MCTP1: variants seen among roughly 807,000 people sequenced by gnomAD.
The protein encoded by MCTP1 is multiple C2 and transmembrane domain-containing protein 1.
In MCTP1, 69 loss-of-function variants were observed where a neutral mutation model predicts 120.6. That is an observed-to-expected ratio of 0.57 (90% CI 0.47 to 0.70). The LOEUF is 0.70. Among genes scored for constraint, MCTP1 ranks in the 30% least tolerant of loss-of-function variants. The pLI, the probability that MCTP1 is intolerant of heterozygous loss-of-function variation, is 0.00. For missense variants in MCTP1, 1,203 were observed against 1,248.8 expected (o/e 0.96, Z 0.55); for synonymous variants, 529 against 493.1 (o/e 1.07, Z -0.96).
At chr5:94,788,616 T>C (rs373437243) in intron 18 of MCTP1, among the ~76,000 whole-genome samples, 158 of 152,240 alleles carry the variant, frequency 1.0e-3, no homozygotes, top group African/African-American at 3.6e-3. Flanking sequence ...AGACTAGAAA[T>C]GCAAACTAGT....
intron 12 of MCTP1, among the ~76,000 whole-genome samples, chr5:94,876,418 C>G (rs1171294420): frequency 1.3e-5 from 2 of 152,028 alleles, no homozygotes; most frequent in African/African-American, 2.4e-5. Flanking sequence ...AAGTTCCAGA[C>G]AGTGGTATAA....
chr5:95,145,692 T>C (rs746296862), intron 1 of MCTP1, among the ~76,000 whole-genome samples: 2 of 152,192 alleles, frequency 1.3e-5, no homozygotes, highest in Non-Finnish European at 2.9e-5. Flanking sequence ...TGAATCACAT[T>C]TATTGGTTTG....
rs34628738 is a variant in MCTP1, at chr5:94,894,867, C to CTTTT, written c.1653-36_1653-33dup. ...ACAAATGTTTTGAATCAGCAAGTGG[C>CTTTT]TTTTTTTTTTTTTTTGCCATATCAA... On this transcript the variant is annotated intron_variant, in intron 10 of 22. Coordinates refer to ENST00000515393, the MANE Select transcript of MCTP1 (RefSeq NM_024717.7). 2,433 of 989,032 alleles carry CTTTT rather than the reference C, an allele frequency of 2.5e-3. 4 individuals are homozygous for CTTTT. Among genetic ancestry groups the CTTTT allele is most frequent in the Non-Finnish European group, 2.6e-3 (1,873 of 722,030 alleles). 61.3% of individuals were successfully genotyped at this position (989,032 alleles called of 1,614,324 possible).
chr5:95,166,846 C>G (rs553352683), intron 1 of MCTP1, among the ~76,000 whole-genome samples: 6 of 151,954 alleles, frequency 3.9e-5, no homozygotes, highest in East Asian at 1.9e-4. Flanking sequence ...GGATTACAGG[C>G]GTGAGCCACT....
chr5:94,799,158 G>T, intron 17 of MCTP1, 26 bp from the exon 18 acceptor site: 1 of 1,598,594 alleles, frequency 6.3e-7, no homozygotes, highest in South Asian at 1.1e-5. Flanking sequence ...GAGAGAAGAA[G>T]GGATGAGTCA....
At chr5:95,273,378 A>G (rs1759561957) in intron 1 of MCTP1, among the ~76,000 whole-genome samples, 1 of 152,226 alleles carries the variant, frequency 6.6e-6, no homozygotes, top group Admixed American at 6.5e-5. Flanking sequence ...GAGAGGATGC[A>G]TATTTTAACA....
rs2152665616 is a variant in MCTP1, at chr5:95,235,994, T to G, written c.720+47862A>C. On this transcript the variant is annotated intron_variant, in intron 1 of 22. Transcript: ENST00000515393. Reference sequence around the variant, plus strand: ...AATAAACCTACTGAAGCAACATTTATGGAAAGTGGTGCCCAAGGATCTGTA... The same window carrying G: ...AATAAACCTACTGAAGCAACATTTAGGGAAAGTGGTGCCCAAGGATCTGTA... Among the ~76,000 whole-genome samples the G allele has an allele frequency of 2.0e-5, 3 of 152,320 alleles. No individual in the cohort carries two copies. In the East Asian group the frequency reaches 5.8e-4, roughly 29 times the overall value.
chr5:94,736,035 A>G (rs535507820), intron 19 of MCTP1, among the ~76,000 whole-genome samples: 39 of 152,338 alleles, frequency 2.6e-4, no homozygotes, highest in African/African-American at 8.9e-4. Flanking sequence ...ATGTATGTCC[A>G]TGTGTACCTT....
chr5:94,859,396 G>A (rs1307583127), intron 17 of MCTP1, among the ~76,000 whole-genome samples: 1 of 151,638 alleles, frequency 6.6e-6, no homozygotes, highest in Non-Finnish European at 1.5e-5. Context: ...CGCATATGGT[G>A]ACTATAATTA....
intron 1 of MCTP1, among the ~76,000 whole-genome samples, chr5:95,255,534 C>T (rs1057017196): frequency 4.6e-5 from 7 of 151,920 alleles, no homozygotes; most frequent in African/African-American, 7.3e-5. Context: ...AGGATGGTAC[C>T]CCTGGTGCAC....
chr5:95,226,063 C>T (rs1039272660), intron 1 of MCTP1, among the ~76,000 whole-genome samples: 4 of 152,022 alleles, frequency 2.6e-5, no homozygotes, highest in Admixed American at 6.6e-5. Context: ...AGTTCTTTCG[C>T]GGTGACTTGT....
intron 1 of MCTP1, among the ~76,000 whole-genome samples, chr5:95,103,322 T>G (rs929168008): frequency 6.7e-6 from 1 of 149,016 alleles, no homozygotes; most frequent in Admixed American, 6.6e-5. Flanking sequence ...AAATTATATA[T>G]TTTTTTTAAA....
At chr5:94,881,197 G>A (rs1446328124) in intron 12 of MCTP1, among the ~76,000 whole-genome samples, 1 of 152,100 alleles carries the variant, frequency 6.6e-6, no homozygotes, top group Non-Finnish European at 1.5e-5. Flanking sequence ...GCTGCAGACT[G>A]CAAGCAGGGG....
At chr5:95,095,213 C>T (rs1208701498) in intron 1 of MCTP1, among the ~76,000 whole-genome samples, 1 of 150,904 alleles carries the variant, frequency 6.6e-6, no homozygotes, top group African/African-American at 2.4e-5. Context: ...TTAGTAGAGA[C>T]GGGGTTTCAC....
intron 17 of MCTP1, among the ~76,000 whole-genome samples, chr5:94,865,457 TA>T (rs1204994019): frequency 6.6e-6 from 1 of 151,652 alleles, no homozygotes; most frequent in Non-Finnish European, 1.5e-5. Context: ...GTGGCATTTA[TA>T]AAAAAGTGGG....
At chr5:94,952,194 G>C (rs1045708549) in intron 3 of MCTP1, among the ~76,000 whole-genome samples, 1 of 67,790 alleles carries the variant, frequency 1.5e-5, no homozygotes, top group Non-Finnish European at 3.1e-5. Flanking sequence ...AAAAAAAAAA[G>C]CTATTGAATT....
chr5:95,192,223 T>A (rs1749902824), intron 1 of MCTP1, among the ~76,000 whole-genome samples: 1 of 152,020 alleles, frequency 6.6e-6, no homozygotes. Context: ...TGAGTAAGTT[T>A]TTTCCAACAT....
At chr5:94,927,437 G>A (rs781489955) in intron 6 of MCTP1, among the ~76,000 whole-genome samples, 6 of 151,950 alleles carry the variant, frequency 3.9e-5, no homozygotes, top group Non-Finnish European at 7.4e-5. Flanking sequence ...CAAAAATACC[G>A]AGCATGTACT....
chr5:95,274,629 T>TTTTTC (rs1161502112), intron 1 of MCTP1, among the ~76,000 whole-genome samples: 1 of 151,754 alleles, frequency 6.6e-6, no homozygotes, highest in Non-Finnish European at 1.5e-5. Context: ...CTGCTTTCTT[T>TTTTTC]TTTTCTTTTT....
Sources: gnomAD v4.1 joint callset for allele counts (sites outside exome capture counted in the v4.1 genomes callset) on GRCh38, gnomAD v4.1.1 for gene constraint, MANE v1.5 for transcripts, NCBI Gene and HGNC (gene_info 2026-07-23, HGNC 2026-07-21) for gene names.